DOCK5: variants seen among roughly 807,000 people sequenced by gnomAD.
The protein encoded by DOCK5 is dedicator of cytokinesis protein 5.
DOCK5 carries 142 observed loss-of-function variants against 251.8 expected under a neutral mutation model. That is an observed-to-expected ratio of 0.56 (90% confidence interval 0.49 to 0.65). The LOEUF is 0.65. DOCK5 is among the 30% of genes least tolerant of loss of function. DOCK5 has a pLI of 0.00. For missense variants in DOCK5, 2,111 were observed against 2,312.3 expected, an observed-to-expected ratio of 0.91 and a Z score of 1.79; for synonymous variants, 842 against 835.5, an observed-to-expected ratio of 1.01 and a Z score of -0.13.
chr8:25,359,084 G>A (rs1054649892), intron 28 of DOCK5, 23 bp downstream of exon 28: 3 of 1,598,204 alleles, frequency 1.9e-6, no homozygotes, highest in Middle Eastern at 1.7e-4. Context: ...TACTGGTCCT[G>A]GTAACCTGAA....
chr8:25,310,606 A>C, intron 13 of DOCK5, 74 bp downstream of exon 13: 1 of 1,480,766 alleles, frequency 6.8e-7, no homozygotes, highest in Non-Finnish European at 9.0e-7. Flanking sequence ...GGTGGAGGCA[A>C]CTTGGATCCA....
chr8:25,219,755 TC>T (rs1802334638), intron 1 of DOCK5, among the ~76,000 whole-genome samples: 1 of 151,804 alleles, frequency 6.6e-6, no homozygotes, highest in Non-Finnish European at 1.5e-5. Context: ...TCTGTCCCCT[TC>T]AACTGTGACC....
chr8:25,213,472 T>C (rs896179281), intron 1 of DOCK5, among the ~76,000 whole-genome samples: 1 of 152,134 alleles, frequency 6.6e-6, no homozygotes, highest in Non-Finnish European at 1.5e-5. Flanking sequence ...TGTCCCCTTT[T>C]TGAAGCCTTT....
chr8:25,286,529 C>A (rs943197919), intron 5 of DOCK5, among the ~76,000 whole-genome samples: 5 of 152,168 alleles, frequency 3.3e-5, no homozygotes, highest in African/African-American at 4.8e-5. Context: ...AAGCCTGTTT[C>A]CCCCTAAGTC....
At position 25,326,990 on chromosome 8, in the gene DOCK5, A is replaced by G. The variant is rs532624527; in HGVS notation, c.1903+1443A>G. ...AGTTTTATTTAAGTATATGTGAGCA[A>G]CCTGCAGGCAGATTGCCTGGCTTCA... On this transcript the variant is annotated intron_variant, in intron 18 of 51. Coordinates refer to ENST00000276440, the MANE Select transcript of DOCK5 (RefSeq NM_024940.8). Among the ~76,000 whole-genome samples, 9 of 152,322 alleles carry G rather than the reference A, an allele frequency of 5.9e-5. No individual in the cohort carries two copies. The South Asian group carries it at 8.3e-4, about 14-fold the overall frequency.
At chr8:25,407,905 C>A in intron 48 of DOCK5, 78 bp from the exon 49 acceptor site, 29 of 1,307,932 alleles carry the variant, frequency 2.2e-5, no homozygotes, top group African/African-American at 4.7e-5. Context: ...AGAGTCATAA[C>A]TGCTGGTACT....
chr8:25,393,461 G>A (rs961082331), intron 44 of DOCK5, among the ~76,000 whole-genome samples: 1 of 152,068 alleles, frequency 6.6e-6, no homozygotes, highest in African/African-American at 2.4e-5. Context: ...TCCTTCCATG[G>A]CTCCAAGTAC....
chr8:25,220,760 A>G (rs573635443), intron 1 of DOCK5, among the ~76,000 whole-genome samples: 3 of 152,182 alleles, frequency 2.0e-5, no homozygotes, highest in African/African-American at 7.2e-5. Flanking sequence ...ATCTGCCATC[A>G]TGCCTGGCTA....
chr8:25,384,010 A>C (rs987226028), intron 40 of DOCK5, among the ~76,000 whole-genome samples: 2 of 152,252 alleles, frequency 1.3e-5, no homozygotes, highest in Non-Finnish European at 2.9e-5. Context: ...GTCACCAAAG[A>C]CAGGATCCAA....
intron 2 of DOCK5, among the ~76,000 whole-genome samples, chr8:25,259,653 G>T (rs1209163593): frequency 6.6e-6 from 1 of 152,010 alleles, no homozygotes; most frequent in Non-Finnish European, 1.5e-5. Flanking sequence ...TAGAGACAAG[G>T]TCTTACTATG....
At chr8:25,266,246 C>T (rs971655357) in intron 2 of DOCK5, among the ~76,000 whole-genome samples, 3 of 150,676 alleles carry the variant, frequency 2.0e-5, no homozygotes, top group East Asian at 1.9e-4. Context: ...GATGGAGTCT[C>T]GCTCTTTCAC....
intron 29 of DOCK5, among the ~76,000 whole-genome samples, chr8:25,363,688 A>G (rs899380870): frequency 5.3e-5 from 8 of 152,230 alleles, no homozygotes; most frequent in African/African-American, 1.7e-4. Flanking sequence ...CACAGTGCCA[A>G]ACTAACTAGT....
chr8:25,309,978 A>T (rs755429256), intron 12 of DOCK5, among the ~76,000 whole-genome samples: 5 of 152,208 alleles, frequency 3.3e-5, no homozygotes, highest in Non-Finnish European at 7.3e-5. Flanking sequence ...AAATTTTCTT[A>T]AGTAGCAAGA....
At chr8:25,354,958 G>A (rs771013158) in intron 27 of DOCK5, among the ~76,000 whole-genome samples, 3 of 152,186 alleles carry the variant, frequency 2.0e-5, no homozygotes, top group African/African-American at 4.8e-5. Context: ...TTTAGGCCAA[G>A]CACAATGGCT....
chr8:25,305,707 C>T (rs886708067), intron 11 of DOCK5, among the ~76,000 whole-genome samples: 8 of 152,038 alleles, frequency 5.3e-5, no homozygotes, highest in Non-Finnish European at 1.2e-4. Context: ...AAATGCAAAT[C>T]GAAACATCAA....
intron 48 of DOCK5, among the ~76,000 whole-genome samples, chr8:25,404,382 G>A (rs1801489582): frequency 6.6e-6 from 1 of 152,140 alleles, no homozygotes; most frequent in South Asian, 2.1e-4. Flanking sequence ...GATACAGATT[G>A]AGTATCCCTC....
At position 25,407,886 on chromosome 8, in the gene DOCK5, AT is replaced by A. The variant is rs1217009618; in HGVS notation, c.5094-96del. 74 of 843,852 alleles carry A rather than the reference AT, an allele frequency of 8.8e-5. No individual in the cohort carries two copies. The African/African-American group carries it at 1.3e-3, about 15-fold the overall frequency. The allele number at this position is 843,852 out of a possible 1,614,324, so 52.3% of individuals were successfully genotyped here. A position where few individuals can be genotyped will look rare whatever the true frequency, so the allele number is the denominator to read the frequency against. On this transcript the variant is annotated intron_variant, in intron 48 of 51. Transcript: ENST00000276440. Reference sequence around the variant, plus strand: ...TCTCAAAAAAAAAAAAAAAAAAAAAATAGCCTAAAGAGTCATAACTGCTGGT... The same window carrying A: ...TCTCAAAAAAAAAAAAAAAAAAAAAAAGCCTAAAGAGTCATAACTGCTGGT...
At chr8:25,393,849 A>G (rs1454192038) in intron 44 of DOCK5, among the ~76,000 whole-genome samples, 1 of 152,232 alleles carries the variant, frequency 6.6e-6, no homozygotes, top group African/African-American at 2.4e-5. Flanking sequence ...TCACTTTTGT[A>G]TCTGTGGTGC....
chr8:25,227,849 G>C (rs1354813695), intron 1 of DOCK5, among the ~76,000 whole-genome samples: 1 of 152,118 alleles, frequency 6.6e-6, no homozygotes. Flanking sequence ...TTATAGTATG[G>C]ACATGAAGAT....
Sources: gnomAD v4.1 joint callset for allele counts (sites outside exome capture counted in the v4.1 genomes callset) on GRCh38, gnomAD v4.1.1 for gene constraint, MANE v1.5 for transcripts, NCBI Gene and HGNC (gene_info 2026-07-23, HGNC 2026-07-21) for gene names.